SIAE: variants seen among roughly 807,000 people sequenced by gnomAD.
SIAE encodes sialic acid acetylesterase.
Under a neutral mutation model 52.6 loss-of-function variants are expected in SIAE, and 39 were observed. That is an observed-to-expected ratio of 0.74 (90% confidence interval 0.57 to 0.97). The LOEUF is 0.97. SIAE is among the 50% of genes least tolerant of loss of function. The pLI is 0.00. For missense variants in SIAE, 592 were observed against 662.1 expected (o/e 0.89, Z 1.16); for synonymous variants, 233 against 241.4 (o/e 0.97, Z 0.32).
rs1333815124 is a variant in SIAE, at chr11:124,635,500, T to A, written c.*1451A>T. ...ACCCTACAGAGTATTATAAATTTCA[T>A]TTTCACACAGTAAAAAGTTCCTAAA... On this transcript the variant is annotated 3_prime_UTR_variant, in exon 10 of 10. Coordinates refer to ENST00000263593, the MANE Select transcript of SIAE (RefSeq NM_170601.5). 2.0e-5 allele frequency: 3 copies of A among 152,152 alleles called. No individual in the cohort carries two copies. The highest frequency in any genetic ancestry group is 4.4e-5 in the Non-Finnish European group (3 of 68,030). The allele number at this position is 152,152 out of a possible 1,614,324, so 9.4% of individuals were successfully genotyped here.
rs1345834151 is a variant in SIAE at position 124,639,709 on chromosome 11, C to G, written c.1124+1G>C. On this transcript the variant is annotated splice_donor_variant, in intron 8 of 9. Coordinates refer to ENST00000263593, the MANE Select transcript of SIAE (RefSeq NM_170601.5). LOFTEE classifies it high-confidence loss of function. ...ATGCAAAGCCCAAGAAGCAATCATA[C>G]CTGCCAAAAGGCGAGTCTCTATCAC... 11 of 1,614,050 alleles carry G rather than the reference C, an allele frequency of 6.8e-6. No individual in the cohort carries two copies. The highest frequency in any genetic ancestry group is 9.3e-6 in the Non-Finnish European group (11 of 1,179,916).
chr11:124,637,404 T>G (rs1942767305), intron 9 of SIAE, among the ~76,000 whole-genome samples: 1 of 152,210 alleles, frequency 6.6e-6, no homozygotes. Flanking sequence ...GTTCATGTGA[T>G]CAAATAAATA....
chr11:124,643,842 G>A (rs907379091), intron 7 of SIAE, among the ~76,000 whole-genome samples: 10 of 152,006 alleles, frequency 6.6e-5, no homozygotes, highest in African/African-American at 2.2e-4. Context: ...AAGCAGTCTG[G>A]GCCAGCAACA....
Position 124,645,275 on chromosome 11 carries a change from T to C in SIAE, c.966+2090A>G, listed in dbSNP as rs1942914668. On this transcript the variant is annotated intron_variant, in intron 7 of 9. Coordinates refer to ENST00000263593, the MANE Select transcript of SIAE (RefSeq NM_170601.5). This position sits in a 1 kb window ranked among gnomAD's most constrained non-coding sequence, Gnocchi z 4.7. ...AGGTTAAGGGACTTTCACTAAACTG[T>C]AAGGCATAAGTACAAGAATCAGGTC... 6.6e-6 allele frequency among the ~76,000 whole-genome samples: 1 copy of C among 152,186 alleles called. No homozygotes were observed.
intron 1 of SIAE, among the ~76,000 whole-genome samples, chr11:124,673,111 C>G (rs528703756): frequency 6.6e-6 from 1 of 152,214 alleles, no homozygotes; most frequent in African/African-American, 2.4e-5. Context: ...CAAAACTGAG[C>G]CTTAAATAGT....
chr11:124,662,844 TAAAAG>T (rs1943208696), intron 2 of SIAE, among the ~76,000 whole-genome samples: 1 of 152,138 alleles, frequency 6.6e-6, no homozygotes, highest in African/African-American at 2.4e-5. Flanking sequence ...TCCTACTTGA[TAAAAG>T]AAAAGTAAAC....
At chr11:124,639,102 T>A (rs571738282) in intron 8 of SIAE, among the ~76,000 whole-genome samples, 2 of 152,206 alleles carry the variant, frequency 1.3e-5, no homozygotes, top group Admixed American at 6.5e-5. Context: ...AGCTGATTCA[T>A]TATTTGGTCC....
rs917988516 is a variant in SIAE at position 124,654,374 on chromosome 11, G to A, written c.544+281C>T. 18 of 985,254 alleles carry A rather than the reference G, an allele frequency of 1.8e-5. No individual in the cohort carries two copies. The African/African-American group carries it at 2.6e-4, about 14-fold the overall frequency. The allele number at this position is 985,254 out of a possible 1,614,324, so 61.0% of individuals were successfully genotyped here. ...AGAGAGGATTTGGAGTGAAGGCATC[G>A]GCGAGAGATGCTGGCGGAGCCCATG... On this transcript the variant is annotated intron_variant, in intron 4 of 9. Coordinates refer to ENST00000263593, the MANE Select transcript of SIAE (RefSeq NM_170601.5).
At chr11:124,647,260 A>C in intron 7 of SIAE, 105 bp downstream of exon 7, 2 of 1,487,340 alleles carry the variant, frequency 1.3e-6, no homozygotes, top group Non-Finnish European at 1.9e-6. Flanking sequence ...AAATCCAGGA[A>C]AGAGATCCAA....
At chr11:124,644,316 T>C (rs1046018064) in intron 7 of SIAE, among the ~76,000 whole-genome samples, 1 of 118,836 alleles carries the variant, frequency 8.4e-6, no homozygotes, top group Non-Finnish European at 1.6e-5. Flanking sequence ...ATAATGAAGA[T>C]CACAGTAACA....
At chr11:124,659,778 T>A (rs898409366) in intron 3 of SIAE, 1 of 151,818 alleles carries the variant, frequency 6.6e-6, no homozygotes, top group Admixed American at 6.6e-5. Flanking sequence ...GAAGTAGATA[T>A]GTTCAGAGTA....
rs915354424 is a variant in SIAE at position 124,635,472 on chromosome 11, T to C, written c.*1479A>G. 6.6e-6 allele frequency: 1 copy of C among 152,120 alleles called. No homozygotes were observed. The highest frequency in any genetic ancestry group is 6.5e-5 in the Admixed American group (1 of 15,274). The allele number at this position is 152,120 out of a possible 1,614,324, so 9.4% of individuals were successfully genotyped here. ...GGTAGAACTAAAGCAAAAACCATCATTCACCCTACAGAGTATTATAAATTT... is the reference window on the plus strand; with the variant it reads ...GGTAGAACTAAAGCAAAAACCATCACTCACCCTACAGAGTATTATAAATTT... On this transcript the variant is annotated 3_prime_UTR_variant, in exon 10 of 10. Transcript: ENST00000263593.
At position 124,656,311 on chromosome 11, in the gene SIAE, T is replaced by C. The variant is rs572019825; in HGVS notation, c.406-1518A>G. 1.2e-3 allele frequency among the ~76,000 whole-genome samples: 182 copies of C among 152,354 alleles called. 1 individual carries two copies. Among genetic ancestry groups the C allele is most frequent in the Non-Finnish European group, 2.2e-3 (147 of 68,036 alleles). ...CCATGGCTGGTTGAATCTGCACATGTGGAACTGGTGGATACCACAGGCTGA... is the reference window on the plus strand; with the variant it reads ...CCATGGCTGGTTGAATCTGCACATGCGGAACTGGTGGATACCACAGGCTGA... On this transcript the variant is annotated intron_variant, in intron 3 of 9. Coordinates refer to ENST00000263593, the MANE Select transcript of SIAE (RefSeq NM_170601.5).
chr11:124,646,992 G>C lies in SIAE; in HGVS notation c.966+373C>G, dbSNP rs558699337. Among the ~76,000 whole-genome samples, 6 of 152,210 alleles carry C rather than the reference G, an allele frequency of 3.9e-5. No individual in the cohort carries two copies. In the South Asian group the frequency reaches 6.2e-4, roughly 16 times the overall value. ...CTTTTAGAGAAAAATGCAAGATATAGTACAGATCTATTTCAAAAATAAATG... is the reference window on the plus strand; with the variant it reads ...CTTTTAGAGAAAAATGCAAGATATACTACAGATCTATTTCAAAAATAAATG... On this transcript the variant is annotated intron_variant, in intron 7 of 9. Transcript: ENST00000263593.
upstream of SIAE, chr11:124,673,839 T>A: frequency 1.1e-6 from 1 of 926,634 alleles, no homozygotes; most frequent in Admixed American, 2.9e-5. Context: ...AGGACTGGGC[T>A]GTACTCGCCC....
rs762209497 is a variant in SIAE at position 124,633,984 on chromosome 11, A to G, written c.*2967T>C. On this transcript the variant is annotated 3_prime_UTR_variant, in exon 10 of 10. Coordinates refer to ENST00000263593, the MANE Select transcript of SIAE (RefSeq NM_170601.5). ...GCATATACAACTATAGTGTGTACGT[A>G]TACCACATATACATATACTTGTATG... is the stretch of plus-strand genomic sequence containing the variant. The G allele has an allele frequency of 6.6e-6, 1 of 152,272 alleles. No individual in the cohort carries two copies. Among genetic ancestry groups the G allele is most frequent in the Non-Finnish European group, 1.5e-5 (1 of 68,050 alleles). The allele number at this position is 152,272 out of a possible 1,614,324, so 9.4% of individuals were successfully genotyped here.
At chr11:124,642,670 ATTCTAACCAATAGGC>A (rs1942867661) in intron 7 of SIAE, among the ~76,000 whole-genome samples, 1 of 152,196 alleles carries the variant, frequency 6.6e-6, no homozygotes, top group Non-Finnish European at 1.5e-5. Context: ...TCGTAATTTG[ATTCTAACCAATAGGC>A]TATGGCAAAG....
chr11:124,655,675 C>A (rs1227004933), intron 3 of SIAE, among the ~76,000 whole-genome samples: 1 of 152,096 alleles, frequency 6.6e-6, no homozygotes, highest in Non-Finnish European at 1.5e-5. Flanking sequence ...ATACAGTTAT[C>A]CTTCATGTCC....
chr11:124,650,454 G>A (rs546402357), intron 4 of SIAE, among the ~76,000 whole-genome samples: 39 of 152,140 alleles, frequency 2.6e-4, no homozygotes, highest in Middle Eastern at 6.8e-3. Flanking sequence ...TCTTTTTTCT[G>A]GTGGCTTTAT....
Sources: allele counts gnomAD v4.1 joint callset (sites outside exome capture counted in the v4.1 genomes callset), GRCh38; gene constraint gnomAD v4.1.1; non-coding constraint Gnocchi (gnomAD v3.1); transcripts MANE v1.5; gene names NCBI Gene and HGNC (gene_info 2026-07-23, HGNC 2026-07-21).